PTGDS: variants seen among roughly 807,000 people sequenced by gnomAD.
PTGDS encodes the protein prostaglandin D2 synthase, also known as prostaglandin-H2 D-isomerase.
A neutral mutation model predicts 28.4 loss-of-function variants in PTGDS; 21 were observed. The ratio of observed to expected loss-of-function variants is 0.74; its 90% CI spans 0.52 to 1.07. PTGDS has a LOEUF of 1.07. Ranked by LOEUF, PTGDS falls within the 50% of genes least tolerant of loss-of-function variation. PTGDS has a pLI of 0.00. For synonymous variants in PTGDS, 102 were observed against 106.0 expected (o/e 0.96, Z 0.23); for missense variants, 243 against 247.7 (o/e 0.98, Z 0.13).
At chr9:136,981,077 G>A (rs966237082) in intron 6 of PTGDS, 1 of 660,622 alleles carries the variant, frequency 1.5e-6, no homozygotes, top group African/African-American at 1.8e-5. Flanking sequence ...ACCTGTCCCA[G>A]TGGCTGGAAC....
chr9:136,980,931 G>C, intron 6 of PTGDS, 76 bp downstream of exon 6: 3 of 1,506,014 alleles, frequency 2.0e-6, no homozygotes, highest in Non-Finnish European at 2.7e-6. Context: ...CCCACTCTGC[G>C]ATGGGATGGA....
rs745688535 is a variant in PTGDS at position 136,980,150 on chromosome 9, G to T, written c.449-33G>T. 14 of 1,611,200 alleles carry T rather than the reference G, an allele frequency of 8.7e-6. No individual in the cohort carries two copies. The South Asian group carries it at 1.5e-4, about 18-fold the overall frequency. On this transcript the variant is annotated intron_variant, in intron 4 of 6. Coordinates refer to ENST00000371625, the MANE Select transcript of PTGDS (RefSeq NM_000954.6). The stretch of plus-strand genomic sequence containing the variant: ...GGGCAGGGCACACAGCATCCCCCCC[G>T]CTGAGGCCAGCTCCGTCTCCACCCT...
chr9:136,980,774 T>TG (rs1313266615), intron 5 of PTGDS, 59 bp from the exon 6 acceptor site: 1 of 1,613,834 alleles, frequency 6.2e-7, no homozygotes, highest in South Asian at 1.1e-5. Context: ...GGAAGCCCAG[T>TG]GGGAAAATTG....
rs569317950 is a variant in PTGDS, at chr9:136,981,329, C to T, written c.*1-250C>T. On this transcript the variant is annotated intron_variant, in intron 6 of 6. Transcript: ENST00000371625. ...GCAGGCTCAGGGCGGATTCACCCAC[C>T]ACCCCCAGGAGGGAGGCCTAGGCTG... Among the ~76,000 whole-genome samples, 15 of 152,242 alleles carry T rather than the reference C, an allele frequency of 9.9e-5. No homozygotes were observed. In the South Asian group the frequency reaches 2.7e-3, roughly 27 times the overall value.
rs1830425077 is a variant in PTGDS at position 136,979,713 on chromosome 9, C to T, written c.332-233C>T. The T allele has an allele frequency of 1.3e-5, 8 of 617,428 alleles. 1 individual carries two copies. The East Asian group carries it at 2.2e-4, about 17-fold the overall frequency. 38.2% of individuals were successfully genotyped at this position (617,428 alleles called of 1,614,324 possible). On this transcript the variant is annotated intron_variant, in intron 3 of 6. Coordinates refer to ENST00000371625, the MANE Select transcript of PTGDS (RefSeq NM_000954.6). ...TCTGGCAGCGACTTCTGCGGCTGCA[C>T]CAGGAATCCTGGTTTTCTGAGCCTG...
At chr9:136,980,575 T>G in intron 5 of PTGDS, 3 of 1,291,284 alleles carry the variant, frequency 2.3e-6, no homozygotes, top group Non-Finnish European at 3.2e-6. Flanking sequence ...AGGGTGCCCA[T>G]GGGGGATACA....
chr9:136,980,666 C>T lies in PTGDS; in HGVS notation c.551-167C>T, dbSNP rs1033180551. On this transcript the variant is annotated intron_variant, in intron 5 of 6. Coordinates refer to ENST00000371625, the MANE Select transcript of PTGDS (RefSeq NM_000954.6). ...CTTGGCAGAGGTGGAGAAAGACCCT[C>T]TCTTTGTTTCCAGTGCCCAGGGAGA... The T allele has an allele frequency of 2.9e-5, 45 of 1,573,204 alleles. No individual in the cohort carries two copies. In the East Asian group the frequency reaches 7.5e-4, roughly 26 times the overall value.
At position 136,980,327 on chromosome 9, in the gene PTGDS, T is replaced by G. The variant is rs1325806203; in HGVS notation, c.550+43T>G. The G allele has an allele frequency of 6.9e-6, 11 of 1,597,364 alleles. No individual in the cohort carries two copies. In the South Asian group the frequency reaches 1.2e-4, roughly 18 times the overall value. On this transcript the variant is annotated intron_variant, in intron 5 of 6. Coordinates refer to ENST00000371625, the MANE Select transcript of PTGDS (RefSeq NM_000954.6). ...GATGGGGAGAGGATCAAGGTCAGAT[T>G]AGAGGCAGGCAGGCAGTCTCCTGAC...
In PTGDS at chr9:136,977,511, C is replaced by T. The variant is rs1564195603; in HGVS notation, c.-68C>T. On this transcript the variant is annotated 5_prime_UTR_variant, in exon 1 of 7. Transcript: ENST00000371625. The stretch of plus-strand genomic sequence containing the variant: ...GTCTCCTCAGTGCCCTCCGCTCCTC[C>T]TGCACACCTCCCTCGCTCTCCCACA... 2.4e-6 allele frequency: 3 copies of T among 1,243,416 alleles called. No homozygotes were observed. Among genetic ancestry groups the T allele is most frequent in the East Asian group, 2.6e-5 (1 of 38,234 alleles). 77.0% of individuals were successfully genotyped at this position (1,243,416 alleles called of 1,614,324 possible). A position where few individuals can be genotyped will look rare whatever the true frequency, so the allele number is the denominator to read the frequency against.
chr9:136,979,769 T>A, intron 3 of PTGDS, 177 bp from the exon 4 acceptor site: 1 of 703,108 alleles, frequency 1.4e-6, no homozygotes, highest in Non-Finnish European at 2.5e-6. Context: ...GGGGACAGGG[T>A]TCACAGGCTG....
At chr9:136,981,164 C>A in intron 6 of PTGDS, 1 of 403,898 alleles carries the variant, frequency 2.5e-6, no homozygotes, top group Non-Finnish European at 4.4e-6. Context: ...GGGGCTATAC[C>A]ACAGGGACCA....
chr9:136,979,901 T>G, intron 3 of PTGDS, 45 bp from the exon 4 acceptor site: 1 of 1,558,190 alleles, frequency 6.4e-7, no homozygotes, highest in Non-Finnish European at 8.8e-7. Flanking sequence ...AGAGGTGAGG[T>G]TTGGGGGGCT....
intron 2 of PTGDS, 32 bp from the exon 3 acceptor site, chr9:136,979,191 T>C (rs376262221): frequency 1.2e-6 from 2 of 1,612,992 alleles, no homozygotes; most frequent in Non-Finnish European, 1.7e-6. Context: ...CCCTCGGGCC[T>C]AACCCCTGAC....
chr9:136,979,966 G>A lies in PTGDS; in HGVS notation c.352G>A (p.Val118Met), dbSNP rs764301892. 5.6e-5 allele frequency: 91 copies of A among 1,613,292 alleles called. 1 individual carries two copies. In the South Asian group the frequency reaches 9.6e-4, roughly 17 times the overall value. The change falls in exon 4 of 7, where the codon GTG becomes ATG. Residue 118 changes from valine (V) to methionine (M), a missense_variant. By Grantham distance (21) the Val-to-Met change is conservative. Transcript: ENST00000371625. Reference protein sequence around the residue: ...RSPHWGSTYSVSVVETDYDQY... With the variant: ...RSPHWGSTYSMSVVETDYDQY... ...CCCAGACTGGGGCAGCACCTACTCC[G>A]TGTCAGTGGTGGAGACCGACTACGA... is the stretch of plus-strand genomic sequence containing the variant.
At chr9:136,978,938 G>A (rs780797184) in intron 1 of PTGDS, 55 bp from the exon 2 acceptor site, 15 of 1,589,946 alleles carry the variant, frequency 9.4e-6, no homozygotes, top group Non-Finnish European at 1.3e-5. Flanking sequence ...CCGCAGGTAG[G>A]CGCAGGTGGG....
At chr9:136,979,478 G>C (rs2131397456) in intron 3 of PTGDS, 179 bp downstream of exon 3, 1 of 1,531,188 alleles carries the variant, frequency 6.5e-7, no homozygotes. Flanking sequence ...GTTAGGGACA[G>C]AGAGACCCTT....
chr9:136,979,819 TG>T, intron 3 of PTGDS, 126 bp from the exon 4 acceptor site: 1 of 883,882 alleles, frequency 1.1e-6, no homozygotes, highest in Non-Finnish European at 1.9e-6. Flanking sequence ...AGCAGCCGGG[TG>T]GGGGAGCATC....
At chr9:136,979,499 G>C in intron 3 of PTGDS, 200 bp downstream of exon 3, 1 of 1,502,600 alleles carries the variant, frequency 6.7e-7, no homozygotes, top group Non-Finnish European at 9.0e-7. Context: ...CCTCCAGGGG[G>C]TTGGATCCTC....
intron 3 of PTGDS, 125 bp from the exon 4 acceptor site, chr9:136,979,821 G>T (rs1387845146): frequency 4.4e-6 from 4 of 904,760 alleles, no homozygotes; most frequent in Non-Finnish European, 7.3e-6. Flanking sequence ...CAGCCGGGTG[G>T]GGGAGCATCC....
Sources: gnomAD v4.1 joint callset for allele counts (sites outside exome capture counted in the v4.1 genomes callset) on GRCh38, gnomAD v4.1.1 for gene constraint, MANE v1.5 for transcripts, NCBI Gene and HGNC (gene_info 2026-07-23, HGNC 2026-07-21) for gene names.